The following SBK1 variants were observed in gnomAD, a reference collection of about 807,000 sequenced individuals.
SBK1 encodes the protein serine/threonine-protein kinase SBK1.
Under a neutral mutation model 24.4 loss-of-function variants are expected in SBK1, and 11 were observed. The observed-to-expected ratio is 0.45, with a 90% CI of 0.28 to 0.75. The LOEUF (loss-of-function observed/expected upper bound fraction) is 0.75, where lower values mean the gene tolerates loss of function less well. Among genes scored for constraint, SBK1 ranks in the 30% least tolerant of loss-of-function variants. The pLI is 0.12. For missense variants in SBK1, 467 were observed against 620.5 expected, an observed-to-expected ratio of 0.75 and a Z score of 2.63; for synonymous variants, 308 against 284.4, an observed-to-expected ratio of 1.08 and a Z score of -0.83.
intron 1 of SBK1, among the ~76,000 whole-genome samples, chr16:28,281,239 T>C (rs1438968473): frequency 6.6e-6 from 1 of 152,126 alleles, no homozygotes; most frequent in African/African-American, 2.4e-5. Flanking sequence ...TCTCCTCCCC[T>C]CCTAATTAAC....
chr16:28,280,141 A>ATGTGTGTG (rs1407793111), intron 1 of SBK1, among the ~76,000 whole-genome samples: 2 of 58,240 alleles, frequency 3.4e-5, no homozygotes, highest in Admixed American at 4.6e-4. Flanking sequence ...ATATATATAT[A>ATGTGTGTG]TATATATATG....
At chr16:28,266,889 C>T (rs551756996) in intron 1 of SBK1, among the ~76,000 whole-genome samples, 2 of 151,836 alleles carry the variant, frequency 1.3e-5, no homozygotes, top group South Asian at 2.1e-4. Context: ...TACAGACATG[C>T]GCCACACACC....
At chr16:28,261,092 G>A (rs1329291745) in intron 1 of SBK1, among the ~76,000 whole-genome samples, 1 of 152,104 alleles carries the variant, frequency 6.6e-6, no homozygotes, top group African/African-American at 2.4e-5. Flanking sequence ...CTGACCCATA[G>A]GCACTGGAGC....
At chr16:28,265,410 C>A (rs2044422365) in intron 1 of SBK1, among the ~76,000 whole-genome samples, 1 of 151,792 alleles carries the variant, frequency 6.6e-6, no homozygotes. Flanking sequence ...CAGAGCAAAA[C>A]TCTCTCATAA....
At chr16:28,294,236 C>G (rs2044622950) in intron 1 of SBK1, among the ~76,000 whole-genome samples, 1 of 152,066 alleles carries the variant, frequency 6.6e-6, no homozygotes, top group Admixed American at 6.5e-5. Context: ...CCGAGAGACC[C>G]TAGGGGACAT....
intron 1 of SBK1, among the ~76,000 whole-genome samples, chr16:28,284,561 C>A (rs1457520712): frequency 6.6e-6 from 1 of 152,244 alleles, no homozygotes; most frequent in African/African-American, 2.4e-5. Flanking sequence ...GCCCAGGGAG[C>A]CAAACTTGCT....
chr16:28,290,833 TG>T (rs2044594160), upstream of SBK1: 1 of 152,242 alleles, frequency 6.6e-6, no homozygotes, highest in Non-Finnish European at 1.5e-5. Flanking sequence ...ACCTATGGTC[TG>T]GGGGCCAGAT....
At chr16:28,297,497 G>A (rs2044649043) in intron 1 of SBK1, among the ~76,000 whole-genome samples, 2 of 152,180 alleles carry the variant, frequency 1.3e-5, no homozygotes, top group East Asian at 1.9e-4. Context: ...TGAGGTCAAA[G>A]CAGATACCAG....
chr16:28,284,170 A>G (rs1567673166), intron 1 of SBK1, among the ~76,000 whole-genome samples: 2 of 152,126 alleles, frequency 1.3e-5, no homozygotes, highest in Non-Finnish European at 2.9e-5. Flanking sequence ...GGGATCACCT[A>G]CCAAACAAAC....
intron 1 of SBK1, among the ~76,000 whole-genome samples, chr16:28,299,027 C>T (rs1260295646): frequency 6.6e-6 from 1 of 152,228 alleles, no homozygotes; most frequent in Non-Finnish European, 1.5e-5. Context: ...GAGACTTTTC[C>T]ACCTTGGGAG....
rs1297308652 is a variant in SBK1, at chr16:28,319,266, A to C, written c.429+69A>C. ...TCCCAGAGTGTGAGAGTGGGAGTGG[A>C]GTCAGACCATTTAATTAACAAGTAT... On this transcript the variant is annotated intron_variant, in intron 3 of 3. Coordinates refer to ENST00000341901, the MANE Select transcript of SBK1 (RefSeq NM_001024401.3). The surrounding 1 kb of genome is among the most constrained non-coding windows in gnomAD (Gnocchi z 4.0). 1.1e-5 allele frequency: 13 copies of C among 1,197,178 alleles called. No homozygotes were observed. Among genetic ancestry groups the C allele is most frequent in the Non-Finnish European group, 1.5e-5 (12 of 808,892 alleles). 74.2% of individuals were successfully genotyped at this position (1,197,178 alleles called of 1,614,324 possible). A position where few individuals can be genotyped will look rare whatever the true frequency, so the allele number is the denominator to read the frequency against.
chr16:28,262,142 G>A (rs1337364893), intron 1 of SBK1, among the ~76,000 whole-genome samples: 3 of 152,164 alleles, frequency 2.0e-5, no homozygotes, highest in African/African-American at 7.2e-5. Context: ...GCTCTGGAGT[G>A]TTTCTTTGCT....
chr16:28,273,584 A>T (rs1315242173), intron 1 of SBK1, among the ~76,000 whole-genome samples: 1 of 151,628 alleles, frequency 6.6e-6, no homozygotes, highest in Admixed American at 6.6e-5. Context: ...TTTTAGTTTG[A>T]TGTAGTCCCA....
At chr16:28,274,431 C>G (rs1205201790) in intron 1 of SBK1, among the ~76,000 whole-genome samples, 1 of 152,118 alleles carries the variant, frequency 6.6e-6, no homozygotes, top group Non-Finnish European at 1.5e-5. Context: ...AGGCAGAGCA[C>G]CCGAGGTCTG....
intron 1 of SBK1, among the ~76,000 whole-genome samples, chr16:28,309,954 C>T (rs937564857): frequency 1.3e-5 from 2 of 152,186 alleles, no homozygotes; most frequent in South Asian, 2.1e-4. Context: ...CTGAGCCAGA[C>T]GATGAGTTGG....
At position 28,307,862 on chromosome 16, in the gene SBK1, C is replaced by T. The variant is rs1369583481; in HGVS notation, c.-7-9523C>T. Among the ~76,000 whole-genome samples, 8 of 152,058 alleles carry T rather than the reference C, an allele frequency of 5.3e-5. 1 individual carries two copies. Among genetic ancestry groups the T allele is most frequent in the Admixed American group, 3.3e-4 (5 of 15,260 alleles). On this transcript the variant is annotated intron_variant, in intron 1 of 3. Coordinates refer to ENST00000341901, the MANE Select transcript of SBK1 (RefSeq NM_001024401.3). ...TCTTCCTGTAAAATGGGGATAGCGA[C>T]GGTAGCACCCACCTCCCAGGGTTGC...
At chr16:28,318,544 G>C (rs1242458999) in intron 2 of SBK1, among the ~76,000 whole-genome samples, 1 of 152,252 alleles carries the variant, frequency 6.6e-6, no homozygotes, top group South Asian at 2.1e-4. Context: ...ACACACATGT[G>C]TGCTCCACCC....
rs2044836595 is a variant in SBK1, at chr16:28,320,786, GGTGCCAGTGCCC to G, written c.1146_1157del (p.Val387_Pro390del). On this transcript the variant is annotated inframe_deletion, in exon 4 of 4. Transcript: ENST00000341901. This position sits in a 1 kb window ranked among gnomAD's most constrained non-coding sequence, Gnocchi z 8.5. ...CGGTGCCCTTGCCCGTGCCGGTGCC[GGTGCCAGTGCCC>G]GTGCCGGTGCCTGTGCCCGAGCCCG... 3 of 1,416,206 alleles carry G rather than the reference GGTGCCAGTGCCC, an allele frequency of 2.1e-6. No homozygotes were observed. Among genetic ancestry groups the G allele is most frequent in the Non-Finnish European group, 2.8e-6 (3 of 1,081,516 alleles). 87.7% of individuals were successfully genotyped at this position (1,416,206 alleles called of 1,614,324 possible). A position where few individuals can be genotyped will look rare whatever the true frequency, so the allele number is the denominator to read the frequency against.
At chr16:28,271,196 T>C (rs1013361028) in intron 1 of SBK1, among the ~76,000 whole-genome samples, 8 of 152,092 alleles carry the variant, frequency 5.3e-5, no homozygotes, top group African/African-American at 1.9e-4. Flanking sequence ...TACTGGAGGA[T>C]GTACTCCACT....
Sources: allele counts gnomAD v4.1 joint callset (sites outside exome capture counted in the v4.1 genomes callset), GRCh38; gene constraint gnomAD v4.1.1; non-coding constraint Gnocchi (gnomAD v3.1); transcripts MANE v1.5; gene names NCBI Gene and HGNC (gene_info 2026-07-23, HGNC 2026-07-21).